The following DGKI variants were observed in gnomAD, a reference collection of about 807,000 sequenced individuals.
DGKI encodes diacylglycerol kinase iota, also known as DAG kinase iota.
DGKI carries 55 observed loss-of-function variants against 147.5 expected under a neutral mutation model. The observed-to-expected ratio is 0.37, with a 90% CI of 0.30 to 0.47. The LOEUF (loss-of-function observed/expected upper bound fraction) is 0.47. DGKI is among the 20% of genes least tolerant of loss of function. DGKI has a pLI of 1.00. For synonymous variants in DGKI, 469 were observed against 477.1 expected, an observed-to-expected ratio of 0.98 and a Z score of 0.22; for missense variants, 1,007 against 1,323.8, an observed-to-expected ratio of 0.76 and a Z score of 3.71.
At chr7:137,537,062 T>C (rs1817544787) in intron 20 of DGKI, among the ~76,000 whole-genome samples, 1 of 152,204 alleles carries the variant, frequency 6.6e-6, no homozygotes, top group South Asian at 2.1e-4. Flanking sequence ...TTTATGGAAC[T>C]AGCAGGGAAG....
chr7:137,761,800 C>T (rs1795863904), intron 1 of DGKI, among the ~76,000 whole-genome samples: 1 of 152,164 alleles, frequency 6.6e-6, no homozygotes. Context: ...AGACTTCTCT[C>T]CTAGACTCCA....
At chr7:137,756,243 T>C (rs1309520411) in intron 1 of DGKI, among the ~76,000 whole-genome samples, 1 of 152,176 alleles carries the variant, frequency 6.6e-6, no homozygotes. Context: ...TGCCAAGACC[T>C]GCTGTGCCCT....
chr7:137,399,438 G>T (rs1225455663), intron 30 of DGKI, among the ~76,000 whole-genome samples: 1 of 152,144 alleles, frequency 6.6e-6, no homozygotes, highest in Non-Finnish European at 1.5e-5. Context: ...ATACAAAAGT[G>T]CAGAGCAGCA....
At chr7:137,767,914 A>T (rs527512352) in intron 1 of DGKI, among the ~76,000 whole-genome samples, 6 of 152,314 alleles carry the variant, frequency 3.9e-5, no homozygotes, top group Admixed American at 3.9e-4. Flanking sequence ...AGCTATTTTT[A>T]AAAATATTAT....
chr7:137,491,185 G>T (rs1186173448), intron 21 of DGKI, among the ~76,000 whole-genome samples: 1 of 152,140 alleles, frequency 6.6e-6, no homozygotes, highest in East Asian at 1.9e-4. Context: ...GGTGCCTCAG[G>T]AGCTGAGGTT....
chr7:137,824,602 G>C (rs920464125), intron 1 of DGKI, among the ~76,000 whole-genome samples: 1 of 151,938 alleles, frequency 6.6e-6, no homozygotes, highest in Non-Finnish European at 1.5e-5. Context: ...TTAAGTTCAG[G>C]GGTGCATGTG....
chr7:137,830,206 G>C (rs1009939324), intron 1 of DGKI, among the ~76,000 whole-genome samples: 11 of 152,228 alleles, frequency 7.2e-5, no homozygotes, highest in Non-Finnish European at 1.5e-4. Flanking sequence ...CTTTTGGAAT[G>C]AGTTTCACAG....
At position 137,412,248 on chromosome 7, in the gene DGKI, C is replaced by G. The variant is rs370202383; in HGVS notation, c.2762-41G>C. 3.2e-6 allele frequency: 5 copies of G among 1,577,900 alleles called. No homozygotes were observed. In the African/African-American group the frequency reaches 5.4e-5, roughly 17 times the overall value. On this transcript the variant is annotated intron_variant, in intron 28 of 32. Transcript: ENST00000614521. ...GAGAGATGTCCCATTAGTAGAAGAC[C>G]CTCTTATTAAAATATTACACAAAGT...
Position 137,683,852 on chromosome 7 carries a change from A to G in DGKI, c.511-5200T>C, listed in dbSNP as rs141452223. 2.3e-3 allele frequency among the ~76,000 whole-genome samples: 346 copies of G among 152,274 alleles called. 2 individuals are homozygous for G. Among genetic ancestry groups the G allele is most frequent in the Non-Finnish European group, 4.0e-3 (271 of 68,036 alleles). ...TCTATTCATCTAAGAGTGGAGATTC[A>G]CCTAAATAGACATAAATACAGATTT... On this transcript the variant is annotated intron_variant, in intron 2 of 32. Transcript: ENST00000614521.
intron 20 of DGKI, among the ~76,000 whole-genome samples, chr7:137,525,445 G>A (rs1049174966): frequency 1.3e-5 from 2 of 152,162 alleles, no homozygotes; most frequent in African/African-American, 4.8e-5. Flanking sequence ...GGTCAATAAT[G>A]GTAAACCTTC....
intron 16 of DGKI, among the ~76,000 whole-genome samples, chr7:137,577,759 A>C (rs1169508243): frequency 6.6e-6 from 1 of 152,072 alleles, no homozygotes; most frequent in South Asian, 2.1e-4. Context: ...CCTTTTTTTC[A>C]TTCTCTATTT....
intron 28 of DGKI, among the ~76,000 whole-genome samples, chr7:137,438,996 T>C (rs1456316540): frequency 6.6e-6 from 1 of 152,044 alleles, no homozygotes; most frequent in African/African-American, 2.4e-5. Flanking sequence ...AGGACATGAT[T>C]AACAAAAAGG....
rs1401358981 is a variant in DGKI, at chr7:137,521,804, G to A, written c.2248+62C>T. ...TAAATGAATCTACCCATCAAACCAA[G>A]GAGGATCAAGAAGCTGAAGATAGGC... On this transcript the variant is annotated intron_variant, in intron 21 of 32. Coordinates refer to ENST00000614521, the MANE Select transcript of DGKI (RefSeq NM_001321708.2). 2.5e-6 allele frequency: 3 copies of A among 1,221,246 alleles called. No homozygotes were observed. In the East Asian group the frequency reaches 7.1e-5, roughly 29 times the overall value. The allele number at this position is 1,221,246 out of a possible 1,614,324, so 75.7% of individuals were successfully genotyped here.
intron 1 of DGKI, among the ~76,000 whole-genome samples, chr7:137,751,063 T>C (rs1264871311): frequency 6.6e-6 from 1 of 152,224 alleles, no homozygotes; most frequent in African/African-American, 2.4e-5. Context: ...AATCATATTT[T>C]TGTTCCTATC....
chr7:137,393,069 G>T (rs973740976), intron 32 of DGKI, among the ~76,000 whole-genome samples: 1 of 152,100 alleles, frequency 6.6e-6, no homozygotes, highest in Non-Finnish European at 1.5e-5. Context: ...GAGAAAAACA[G>T]GCATATCTAC....
intron 1 of DGKI, among the ~76,000 whole-genome samples, chr7:137,811,053 T>C (rs1277559277): frequency 6.6e-6 from 1 of 152,202 alleles, no homozygotes; most frequent in Non-Finnish European, 1.5e-5. Flanking sequence ...ACATATTTAT[T>C]GTCAACAGAA....
At chr7:137,418,134 T>C (rs1316368723) in intron 28 of DGKI, among the ~76,000 whole-genome samples, 1 of 152,150 alleles carries the variant, frequency 6.6e-6, no homozygotes, top group African/African-American at 2.4e-5. Flanking sequence ...TGGCTTATTA[T>C]TAGGAAGGGA....
intron 1 of DGKI, among the ~76,000 whole-genome samples, chr7:137,838,394 T>C (rs2117098629): frequency 1.3e-5 from 2 of 152,340 alleles, no homozygotes; most frequent in South Asian, 4.1e-4. Flanking sequence ...GCCTGAGGAA[T>C]GTTCCAGAAG....
At chr7:137,522,467 A>C (rs546204408) in intron 20 of DGKI, among the ~76,000 whole-genome samples, 2 of 152,248 alleles carry the variant, frequency 1.3e-5, no homozygotes, top group South Asian at 4.1e-4. Flanking sequence ...TACACAGCTC[A>C]ATAGCCTCTT....
Sources: gnomAD v4.1 joint callset for allele counts (sites outside exome capture counted in the v4.1 genomes callset) on GRCh38, gnomAD v4.1.1 for gene constraint, MANE v1.5 for transcripts, NCBI Gene and HGNC (gene_info 2026-07-23, HGNC 2026-07-21) for gene names.